The following LHFPL3 variants were observed in gnomAD, a reference collection of about 807,000 sequenced individuals.
The protein encoded by LHFPL3 is LHFPL tetraspan subfamily member 3, also known as LHFPL tetraspan subfamily member 3 protein.
A neutral mutation model predicts 19.3 loss-of-function variants in LHFPL3; 5 were observed. The observed-to-expected ratio is 0.26, with a 90% CI of 0.14 to 0.54. LHFPL3 has a LOEUF of 0.54. Among genes scored for constraint, LHFPL3 ranks in the 20% least tolerant of loss-of-function variants. The probability of loss-of-function intolerance (pLI) is 0.94; values close to 1 mark genes in which losing one functional copy is unlikely to be tolerated. For synonymous variants in LHFPL3, 133 were observed against 126.2 expected, an observed-to-expected ratio of 1.05 and a Z score of -0.36; for missense variants, 249 against 307.4, an observed-to-expected ratio of 0.81 and a Z score of 1.42.
intron 1 of LHFPL3, among the ~76,000 whole-genome samples, chr7:104,414,010 G>A (rs1034564512): frequency 6.6e-6 from 1 of 151,796 alleles, no homozygotes; most frequent in Admixed American, 6.6e-5. Context: ...GTTTTTAAAA[G>A]TATAATATTA....
Position 104,670,861 on chromosome 7 carries a change from G to GTTT in LHFPL3, c.446-65812_446-65810dup, listed in dbSNP as rs765180265. Among the ~76,000 whole-genome samples the GTTT allele has an allele frequency of 8.2e-5, 12 of 146,448 alleles. 1 individual carries two copies. The highest frequency in any genetic ancestry group is 2.2e-4 in the South Asian group (1 of 4,582). Reference sequence around the variant, plus strand: ...TGAGGTGGCCAGACCAATGTGTTTTGTTTTGTTTTTTTTTTTTTAAGCTTC... The same window carrying GTTT: ...TGAGGTGGCCAGACCAATGTGTTTTGTTTTTTTGTTTTTTTTTTTTTAAGCTTC... On this transcript the variant is annotated intron_variant, in intron 1 of 2. Transcript: ENST00000424859.
chr7:104,868,631 G>A (rs959628935), intron 2 of LHFPL3, among the ~76,000 whole-genome samples: 65 of 151,828 alleles, frequency 4.3e-4, no homozygotes, highest in African/African-American at 1.4e-3. Flanking sequence ...AATCAATATC[G>A]TGAAAATGGC....
rs149547679 is a variant in LHFPL3 at position 104,597,075 on chromosome 7, ACCTGTTT to A, written c.446-139591_446-139585del. ...AGCCCTCCAAATAAATTTATGCTGTACCTGTTTCCTGTTTCTGTCATGTAGCTATAGC... is the reference window on the plus strand; with the variant it reads ...AGCCCTCCAAATAAATTTATGCTGTACCTGTTTCTGTCATGTAGCTATAGC... On this transcript the variant is annotated intron_variant, in intron 1 of 2. Transcript: ENST00000424859. Among the ~76,000 whole-genome samples the A allele has an allele frequency of 4.2e-3, 636 of 152,314 alleles. 34 individuals are homozygous for A. The East Asian group carries it at 0.099, about 24-fold the overall frequency.
At chr7:104,362,400 A>G (rs536435429) in intron 1 of LHFPL3, among the ~76,000 whole-genome samples, 29 of 152,216 alleles carry the variant, frequency 1.9e-4, no homozygotes, top group Non-Finnish European at 3.1e-4. Flanking sequence ...CACATGTGCT[A>G]GGTCATTTGC....
At chr7:104,542,146 T>G (rs1187863529) in intron 1 of LHFPL3, among the ~76,000 whole-genome samples, 1 of 151,942 alleles carries the variant, frequency 6.6e-6, no homozygotes, top group African/African-American at 2.4e-5. Context: ...CACTGGACAC[T>G]GAGAGCAGCA....
At chr7:104,818,751 C>T (rs757395198) in intron 2 of LHFPL3, among the ~76,000 whole-genome samples, 2 of 151,808 alleles carry the variant, frequency 1.3e-5, no homozygotes, top group Non-Finnish European at 2.9e-5. Flanking sequence ...ATTTTGTTGG[C>T]TTGTTTGTTT....
chr7:104,625,213 C>T (rs1412771738), intron 1 of LHFPL3, among the ~76,000 whole-genome samples: 2 of 152,198 alleles, frequency 1.3e-5, no homozygotes, highest in Non-Finnish European at 2.9e-5. Context: ...TTACATTGAA[C>T]ATGTTGTCCT....
At chr7:104,490,018 C>T (rs1168558135) in intron 1 of LHFPL3, among the ~76,000 whole-genome samples, 1 of 152,166 alleles carries the variant, frequency 6.6e-6, no homozygotes, top group Non-Finnish European at 1.5e-5. Flanking sequence ...AACCATCCAA[C>T]AGGATAGCAT....
chr7:104,663,338 C>A (rs1050697112), intron 1 of LHFPL3, among the ~76,000 whole-genome samples: 4 of 152,212 alleles, frequency 2.6e-5, no homozygotes, highest in African/African-American at 9.6e-5. Flanking sequence ...AGAATTTCTC[C>A]TTTTTCCTCA....
intron 1 of LHFPL3, among the ~76,000 whole-genome samples, chr7:104,499,695 C>G (rs192629122): frequency 6.6e-6 from 1 of 152,146 alleles, no homozygotes; most frequent in East Asian, 1.9e-4. Context: ...CAATCTGTTA[C>G]GTTAATTTCT....
At chr7:104,414,933 G>A (rs937387967) in intron 1 of LHFPL3, among the ~76,000 whole-genome samples, 2 of 152,144 alleles carry the variant, frequency 1.3e-5, no homozygotes, top group African/African-American at 4.8e-5. Flanking sequence ...GGATTTAATG[G>A]TAGTTAGCAT....
chr7:104,492,233 T>C (rs1007178521), intron 1 of LHFPL3, among the ~76,000 whole-genome samples: 3 of 151,854 alleles, frequency 2.0e-5, no homozygotes, highest in African/African-American at 7.3e-5. Flanking sequence ...GATGTTCCAC[T>C]AAATGATTTT....
rs187301954 is a variant in LHFPL3 at position 104,630,510 on chromosome 7, A to C, written c.446-106165A>C. Among the ~76,000 whole-genome samples, 106 of 152,344 alleles carry C rather than the reference A, an allele frequency of 7.0e-4. 1 individual carries two copies. The highest frequency in any genetic ancestry group is 2.4e-3 in the African/African-American group (98 of 41,576). On this transcript the variant is annotated intron_variant, in intron 1 of 2. Transcript: ENST00000424859. ...GGGATTTCTGAAATGGTGAAGCTGCATAGAGACCATTGACAGGAGGCCTGA... is the reference window on the plus strand; with the variant it reads ...GGGATTTCTGAAATGGTGAAGCTGCCTAGAGACCATTGACAGGAGGCCTGA...
intron 1 of LHFPL3, among the ~76,000 whole-genome samples, chr7:104,569,411 T>C (rs1444229069): frequency 1.3e-5 from 2 of 152,178 alleles, no homozygotes; most frequent in Non-Finnish European, 2.9e-5. Flanking sequence ...TTCTCACTCA[T>C]GGCAAATGTA....
intron 2 of LHFPL3, among the ~76,000 whole-genome samples, chr7:104,762,689 A>G (rs537634225): frequency 6.6e-6 from 1 of 152,336 alleles, no homozygotes; most frequent in South Asian, 2.1e-4. Context: ...ACTGTTAGTT[A>G]CAAAGGCCTT....
At chr7:104,460,176 T>C (rs1013571432) in intron 1 of LHFPL3, among the ~76,000 whole-genome samples, 2 of 152,168 alleles carry the variant, frequency 1.3e-5, no homozygotes, top group African/African-American at 4.8e-5. Flanking sequence ...TAGAAGACAT[T>C]ATCTCATTCT....
At chr7:104,682,089 C>T (rs891780235) in intron 1 of LHFPL3, among the ~76,000 whole-genome samples, 2 of 152,134 alleles carry the variant, frequency 1.3e-5, no homozygotes, top group Admixed American at 6.5e-5. Context: ...TACATAATTA[C>T]CAAGCATTGT....
At chr7:104,496,304 CT>C (rs1417977611) in intron 1 of LHFPL3, among the ~76,000 whole-genome samples, 1 of 150,908 alleles carries the variant, frequency 6.6e-6, no homozygotes, top group Non-Finnish European at 1.5e-5. Context: ...TGAATTCATC[CT>C]TTTTTATGGC....
At chr7:104,454,002 C>T (rs947419741) in intron 1 of LHFPL3, among the ~76,000 whole-genome samples, 2 of 152,114 alleles carry the variant, frequency 1.3e-5, no homozygotes, top group Non-Finnish European at 2.9e-5. Context: ...TACCCGGGCT[C>T]AGATATTTCT....
Sources: gnomAD v4.1 joint callset for allele counts (sites outside exome capture counted in the v4.1 genomes callset) on GRCh38, gnomAD v4.1.1 for gene constraint, MANE v1.5 for transcripts, NCBI Gene and HGNC (gene_info 2026-07-23, HGNC 2026-07-21) for gene names.